The following UST variants were observed in gnomAD, a reference collection of about 807,000 sequenced individuals.
The protein encoded by UST is chondroitin sulfate 2-O-sulfotransferase.
Under a neutral mutation model 45.6 loss-of-function variants are expected in UST, and 21 were observed. That is an observed-to-expected ratio of 0.46 (90% CI 0.33 to 0.66). The LOEUF (loss-of-function observed/expected upper bound fraction) is 0.66. Ranked by LOEUF, UST falls within the 30% of genes least tolerant of loss-of-function variation. The probability of loss-of-function intolerance (pLI) is 0.02; values close to 1 mark genes in which losing one functional copy is unlikely to be tolerated. For missense variants in UST, 463 were observed against 512.4 expected, an observed-to-expected ratio of 0.90 and a Z score of 0.93; for synonymous variants, 215 against 200.6, an observed-to-expected ratio of 1.07 and a Z score of -0.61.
chr6:148,833,539 A>G (rs1347963374), intron 1 of UST, among the ~76,000 whole-genome samples: 1 of 152,130 alleles, frequency 6.6e-6, no homozygotes, highest in African/African-American at 2.4e-5. Context: ...TAGAAAGAAA[A>G]CTTAGCCTTG....
chr6:148,805,990 GA>G (rs964724973), intron 1 of UST, among the ~76,000 whole-genome samples: 5 of 151,910 alleles, frequency 3.3e-5, no homozygotes, highest in Non-Finnish European at 7.4e-5. Context: ...TATTCAAGGG[GA>G]AAAAAAGATG....
intron 4 of UST, among the ~76,000 whole-genome samples, chr6:148,959,850 A>AGTGTGCGGG: frequency 6.7e-6 from 1 of 150,236 alleles, no homozygotes; most frequent in Non-Finnish European, 1.5e-5. Context: ...TGGTGGGCGG[A>AGTGTGCGGG]GGGGAGTCTA....
chr6:148,819,731 A>G (rs937147788), intron 1 of UST, among the ~76,000 whole-genome samples: 4 of 152,210 alleles, frequency 2.6e-5, no homozygotes, highest in African/African-American at 9.7e-5. Flanking sequence ...AATGAGTATG[A>G]CCATCAAGAT....
rs561981107 is a variant in UST at position 148,747,535 on chromosome 6, G to A, written c.105G>A (p.Val35=). Residue 35 remains valine, a synonymous_variant, in exon 1 of 8, where the codon GTG becomes GTA. Coordinates refer to ENST00000367463, the MANE Select transcript of UST (RefSeq NM_005715.3). ...PPGLGSWKRR[V]PLLPFLRFSL... ...GCCTGGGCAGCTGGAAGCGTCGGGT[G>A]CCCCTGCTGCCTTTCCTGCGCTTCT... 2 of 1,551,858 alleles carry A rather than the reference G, an allele frequency of 1.3e-6. No individual in the cohort carries two copies. Among genetic ancestry groups the A allele is most frequent in the South Asian group, 2.4e-5 (2 of 83,200 alleles).
chr6:148,916,031 C>T (rs1779582755), intron 2 of UST, among the ~76,000 whole-genome samples: 2 of 152,234 alleles, frequency 1.3e-5, no homozygotes, highest in Non-Finnish European at 2.9e-5. Flanking sequence ...AACATTTAAG[C>T]TGCTTTCCTG....
chr6:148,936,297 G>A (rs1780024809), intron 2 of UST, among the ~76,000 whole-genome samples: 1 of 152,148 alleles, frequency 6.6e-6, no homozygotes, highest in Non-Finnish European at 1.5e-5. Context: ...AGGGGGTGTT[G>A]AATGGATGAA....
intron 1 of UST, among the ~76,000 whole-genome samples, chr6:148,812,969 T>A (rs2114732450): frequency 6.6e-6 from 1 of 152,200 alleles, no homozygotes; most frequent in Non-Finnish European, 1.5e-5. Context: ...TTTTAGCATA[T>A]CCCCCAATGC....
At chr6:148,917,182 C>T (rs1197818230) in intron 2 of UST, among the ~76,000 whole-genome samples, 3 of 152,218 alleles carry the variant, frequency 2.0e-5, no homozygotes, top group Non-Finnish European at 2.9e-5. Flanking sequence ...AGCACCCCCC[C>T]ACCCTCCTTT....
At chr6:148,949,391 C>T (rs1265145995) in intron 3 of UST, among the ~76,000 whole-genome samples, 1 of 131,922 alleles carries the variant, frequency 7.6e-6, no homozygotes, top group Non-Finnish European at 1.6e-5. Flanking sequence ...GAGACTTTGT[C>T]TCAAAATAAT....
At chr6:148,922,418 G>A (rs561939262) in intron 2 of UST, among the ~76,000 whole-genome samples, 2 of 152,058 alleles carry the variant, frequency 1.3e-5, no homozygotes, top group East Asian at 3.9e-4. Flanking sequence ...GTCTGTCCAT[G>A]TAGGAGGTAT....
intron 2 of UST, among the ~76,000 whole-genome samples, chr6:148,902,894 C>CTTG (rs931402301): frequency 2.6e-5 from 4 of 151,962 alleles, no homozygotes; most frequent in Admixed American, 1.3e-4. Flanking sequence ...TTTACAAGAG[C>CTTG]TTGTTGTTGT....
chr6:149,061,147 G>A (rs549892558), intron 7 of UST, among the ~76,000 whole-genome samples: 27 of 152,162 alleles, frequency 1.8e-4, no homozygotes, highest in African/African-American at 6.0e-4. Context: ...GTCATAAAGC[G>A]AGGCCTCTGT....
intron 7 of UST, among the ~76,000 whole-genome samples, chr6:149,029,791 C>T (rs1203825042): frequency 6.6e-6 from 1 of 151,056 alleles, no homozygotes; most frequent in African/African-American, 2.4e-5. Flanking sequence ...CATTTACCAT[C>T]GATATTCTCT....
intron 4 of UST, chr6:148,955,733 C>T (rs569376627): frequency 4.6e-5 from 7 of 152,366 alleles, no homozygotes; most frequent in Admixed American, 6.5e-5. Context: ...TGTTCTAGCG[C>T]GTTTCCTTCT....
intron 1 of UST, among the ~76,000 whole-genome samples, chr6:148,848,282 G>A (rs1196770048): frequency 6.6e-6 from 1 of 152,070 alleles, no homozygotes; most frequent in Non-Finnish European, 1.5e-5. Flanking sequence ...CCTGACCATG[G>A]TATAGTTATT....
At chr6:148,854,158 A>G (rs1778159262) in intron 1 of UST, among the ~76,000 whole-genome samples, 1 of 152,238 alleles carries the variant, frequency 6.6e-6, no homozygotes, top group Non-Finnish European at 1.5e-5. Context: ...TATGACTTAG[A>G]AACATTGCAG....
chr6:148,831,183 G>T (rs1582839139), intron 1 of UST, among the ~76,000 whole-genome samples: 2 of 152,228 alleles, frequency 1.3e-5, no homozygotes, highest in South Asian at 2.1e-4. Flanking sequence ...CTTTCTCACA[G>T]ACTAGACCAG....
intron 7 of UST, among the ~76,000 whole-genome samples, chr6:149,049,921 T>TCACACACACACA (rs1392198421): frequency 4.9e-5 from 5 of 101,368 alleles, no homozygotes; most frequent in African/African-American, 2.2e-4. Flanking sequence ...TCTCTCTCTC[T>TCACACACACACA]CTCTCTCTCT....
chr6:148,860,980 G>A (rs552791919), intron 1 of UST, among the ~76,000 whole-genome samples: 20 of 152,266 alleles, frequency 1.3e-4, no homozygotes, highest in Non-Finnish European at 2.1e-4. Flanking sequence ...GTCTCTGCCC[G>A]GCTTTGGTAT....
Sources: allele counts gnomAD v4.1 joint callset (sites outside exome capture counted in the v4.1 genomes callset), GRCh38; gene constraint gnomAD v4.1.1; transcripts MANE v1.5; gene names NCBI Gene and HGNC (gene_info 2026-07-23, HGNC 2026-07-21).